Variants in PERM1 observed in about 807,000 individuals in gnomAD.
PERM1 encodes the protein PPARGC1 and ESRR induced regulator, muscle 1, also known as PGC-1 and ERR-induced regulator in muscle protein 1.
PERM1 carries 45 observed loss-of-function variants against 44.1 expected under a neutral mutation model. The observed-to-expected ratio is 1.02, with a 90% CI of 0.80 to 1.31. PERM1 has a LOEUF of 1.31. Ranked by LOEUF, PERM1 falls within the 50% of genes most tolerant of loss-of-function variation. PERM1 has a pLI of 0.00. For synonymous variants in PERM1, 565 were observed against 477.1 expected (o/e 1.18, Z -2.40); for missense variants, 1,189 against 1,106.9 (o/e 1.07, Z -1.05).
At chr1:980,774 T>C in exon 1 of PERM1, 1 of 1,402,710 alleles carries the variant, frequency 7.1e-7, no homozygotes, top group Middle Eastern at 2.5e-4. Flanking sequence ...TGAGACCTGC[T>C]GACCGGCTGC....
At chr1:979,556 C>T (rs1479145720) in exon 1 of PERM1, 17 of 1,549,856 alleles carry the variant, frequency 1.1e-5, no homozygotes, top group South Asian at 3.6e-5. Context: ...AGACCCAGTG[C>T]GGGTGCCCCA....
exon 1 of PERM1, chr1:979,524 C>T: frequency 8.4e-6 from 13 of 1,549,974 alleles, no homozygotes; most frequent in Non-Finnish European, 1.0e-5. Context: ...AGCGCACTTT[C>T]TTCTTCCTGG....
chr1:979,420 C>T (rs879843009), exon 1 of PERM1: 2 of 1,525,242 alleles, frequency 1.3e-6, no homozygotes, highest in Non-Finnish European at 1.8e-6. Flanking sequence ...GGCTCCGGGC[C>T]CCCCGTGGGC....
At chr1:978,161 C>G (rs1056218709) in intron 1 of PERM1, among the ~76,000 whole-genome samples, 8 of 141,052 alleles carry the variant, frequency 5.7e-5, no homozygotes, top group African/African-American at 2.2e-4. Context: ...CCTCCAACCC[C>G]AGGAACCGCC....
At chr1:978,721 G>T (rs1483174901) in intron 1 of PERM1, among the ~76,000 whole-genome samples, 160 bp downstream of exon 2, 1 of 152,238 alleles carries the variant, frequency 6.6e-6, no homozygotes, top group Non-Finnish European at 1.5e-5. Flanking sequence ...GCCCCATCTG[G>T]ACTGTGTGCT....
chr1:978,162 A>T (rs1342583214), intron 1 of PERM1, among the ~76,000 whole-genome samples: 1 of 72,308 alleles, frequency 1.4e-5, no homozygotes. Context: ...CTCCAACCCC[A>T]GGAACCGCCT....
exon 1 of PERM1, chr1:979,602 C>G: frequency 6.5e-7 from 1 of 1,550,224 alleles, no homozygotes; most frequent in Non-Finnish European, 8.7e-7. Flanking sequence ...AGGGCTCAGA[C>G]ACAACCGCCT....
upstream of PERM1, chr1:981,167 C>G: frequency 1.9e-6 from 3 of 1,548,736 alleles, no homozygotes; most frequent in Non-Finnish European, 1.7e-6. Flanking sequence ...GGGGCTCCAT[C>G]CATGCCCTGA....
At chr1:980,764 T>C in exon 1 of PERM1, 3 of 1,405,114 alleles carry the variant, frequency 2.1e-6, no homozygotes, top group Non-Finnish European at 2.8e-6. Context: ...AGGCTCACCC[T>C]GAGACCTGCT....
At chr1:981,051 G>A (rs1643782427), upstream of PERM1, 1 of 1,542,854 alleles carries the variant, frequency 6.5e-7, no homozygotes, top group Non-Finnish European at 8.7e-7. Context: ...AGAGGCACTG[G>A]AGGGTAGCAG....
exon 1 of PERM1, chr1:981,010 C>T: frequency 6.5e-7 from 1 of 1,527,380 alleles, no homozygotes; most frequent in Non-Finnish European, 8.8e-7. Flanking sequence ...CAGCTGGACG[C>T]TGTACTGGAA....
exon 2 of PERM1, chr1:976,529 C>G: frequency 1.3e-6 from 2 of 1,549,594 alleles, no homozygotes; most frequent in Non-Finnish European, 1.7e-6. Flanking sequence ...GTATGCGGAT[C>G]TGACGTCCTC....
chr1:980,571 G>A, exon 1 of PERM1: 18 of 1,456,646 alleles, frequency 1.2e-5, no homozygotes, highest in Non-Finnish European at 1.6e-5. Flanking sequence ...GACTCCCAGG[G>A]GGCTCACCAG....
intron 1 of PERM1, 87 bp downstream of exon 2, chr1:978,794 C>G: frequency 7.8e-7 from 1 of 1,277,598 alleles, no homozygotes; most frequent in Non-Finnish European, 1.0e-6. Context: ...CCGGCCTGCC[C>G]GGCCCCTGCG....
rs1320639087 is a variant in PERM1, at chr1:976,214, C to T, written c.2331G>A (p.Val777=). 3 of 1,541,542 alleles carry T rather than the reference C, an allele frequency of 1.9e-6. No homozygotes were observed. In the South Asian group the frequency reaches 3.6e-5, roughly 19 times the overall value. Reference sequence around the variant, plus strand: ...GGCTGTGGCTGCGGCGCCCTTGCCCCACCTGCCGGCGGAAGTAGCGGATGG... The same window carrying T: ...GGCTGTGGCTGCGGCGCCCTTGCCCTACCTGCCGGCGGAAGTAGCGGATGG... Residue 777 remains valine (V), a synonymous_variant, in exon 3 of 3, where the codon GTG becomes GTA. Transcript: ENST00000433179.
chr1:979,920 G>T, exon 1 of PERM1: 1 of 1,550,234 alleles, frequency 6.5e-7, no homozygotes, highest in Non-Finnish European at 8.7e-7. Flanking sequence ...ACACAGCCGT[G>T]TCAGATTGCG....
upstream of PERM1, chr1:982,063 A>G: frequency 7.8e-7 from 1 of 1,288,294 alleles, no homozygotes; most frequent in South Asian, 1.2e-5. Context: ...ACCATGTCCT[A>G]CCTGGGTCCC....
exon 1 of PERM1, chr1:979,333 G>T: frequency 6.6e-7 from 1 of 1,525,558 alleles, no homozygotes; most frequent in Non-Finnish European, 8.8e-7. Flanking sequence ...CCTCGTCACG[G>T]CAGAGGGAGG....
chr1:980,575 T>TCACCAGGGGGCC, exon 1 of PERM1: 1 of 1,455,784 alleles, frequency 6.9e-7, no homozygotes, highest in Non-Finnish European at 9.1e-7. Flanking sequence ...CCCAGGGGGC[T>TCACCAGGGGGCC]CACCAGGGGG....
Sources: gnomAD v4.1 joint callset for allele counts (sites outside exome capture counted in the v4.1 genomes callset) on GRCh38, gnomAD v4.1.1 for gene constraint, MANE v1.5 for transcripts, NCBI Gene and HGNC (gene_info 2026-07-23, HGNC 2026-07-21) for gene names.